TMPRSS9: variants seen among roughly 807,000 people sequenced by gnomAD.
The protein encoded by TMPRSS9 is transmembrane protease serine 9.
In TMPRSS9, 113 loss-of-function variants were observed where a neutral mutation model predicts 111.4. The observed-to-expected ratio is 1.01, with a 90% CI of 0.87 to 1.19. The LOEUF is 1.19. Among genes scored for constraint, TMPRSS9 ranks in the 50% most tolerant of loss-of-function variants. The pLI is 0.00. For synonymous variants in TMPRSS9, 805 were observed against 659.1 expected, an observed-to-expected ratio of 1.22 and a Z score of -3.39; for missense variants, 1,803 against 1,513.1, an observed-to-expected ratio of 1.19 and a Z score of -3.18.
At chr19:2,425,517 GA>G (rs1971600403) in intron 17 of TMPRSS9, 24 bp downstream of exon 18, 3 of 1,539,544 alleles carry the variant, frequency 1.9e-6, no homozygotes, top group Non-Finnish European at 2.6e-6. Context: ...CGGCCCAGGG[GA>G]CCAGGTCCCG....
At chr19:2,399,275 C>A in intron 4 of TMPRSS9, 82 bp downstream of exon 5, 1 of 1,471,770 alleles carries the variant, frequency 6.8e-7, no homozygotes, top group African/African-American at 1.4e-5. Flanking sequence ...TTGATAACCA[C>A]CCCTTCCCAT....
chr19:2,422,009 C>T (rs771742486), exon 14 of TMPRSS9: 2 of 1,613,022 alleles, frequency 1.2e-6, no homozygotes, highest in Admixed American at 1.7e-5. Context: ...AGATCATGTC[C>T]TCCCAGCCCC....
At chr19:2,372,141 C>G (rs1339923036) in intron 1 of TMPRSS9, among the ~76,000 whole-genome samples, 5 of 152,168 alleles carry the variant, frequency 3.3e-5, no homozygotes, top group African/African-American at 1.2e-4. Context: ...CAGGCGTGAG[C>G]CACTGTGCCT....
intron 6 of TMPRSS9, among the ~76,000 whole-genome samples, chr19:2,404,956 A>G (rs1489146453): frequency 6.6e-6 from 1 of 151,502 alleles, no homozygotes; most frequent in Non-Finnish European, 1.5e-5. Context: ...AAAATCAAAG[A>G]CTAAACTTAC....
chr19:2,395,385 A>G (rs1970685046), intron 1 of TMPRSS9, among the ~76,000 whole-genome samples: 1 of 152,046 alleles, frequency 6.6e-6, no homozygotes, highest in African/African-American at 2.4e-5. Flanking sequence ...GCGAGCTGAG[A>G]AAACACCACT....
chr19:2,412,035 CG>C (rs1178060837), intron 9 of TMPRSS9, among the ~76,000 whole-genome samples: 2 of 152,132 alleles, frequency 1.3e-5, no homozygotes, highest in South Asian at 2.1e-4. Flanking sequence ...TTCAGGCAAA[CG>C]TAAGTTATTC....
chr19:2,384,630 G>A lies in TMPRSS9; in HGVS notation c.-25-5131G>A, dbSNP rs532596218. The stretch of plus-strand genomic sequence containing the variant: ...GGAGATCGAGACCATCCTGGCTAAC[G>A]TGGTGAAACCCCGTCTCTACTAAAA... On this transcript the variant is annotated intron_variant, in intron 1 of 17. Transcript: ENST00000649857. Among the ~76,000 whole-genome samples, 79 of 151,634 alleles carry A rather than the reference G, an allele frequency of 5.2e-4. 1 individual carries two copies. The highest frequency in any genetic ancestry group is 7.9e-4 in the Admixed American group (12 of 15,180).
intron 6 of TMPRSS9, among the ~76,000 whole-genome samples, chr19:2,404,040 C>A (rs111477791): frequency 6.7e-6 from 1 of 149,324 alleles, no homozygotes; most frequent in Non-Finnish European, 1.5e-5. Context: ...TGGTGGTGGG[C>A]GCCTGTGGCC....
rs1198106187 is a variant in TMPRSS9, at chr19:2,390,231, G to GTTTTTTTTTTTTTTTTTTTTT, written c.142+315_142+316insTTTTTTTTTTTTTTTTTTTTT. ...GCAAATCAGCAAAATACCCAAAGTAGTTTTTTTTTTTGTTTTTTTTTTTTT... is the reference window on the plus strand; with the variant it reads ...GCAAATCAGCAAAATACCCAAAGTAGTTTTTTTTTTTTTTTTTTTTTTTTTTTTTTTTGTTTTTTTTTTTTT... On this transcript the variant is annotated intron_variant, in intron 1 of 17. Transcript: ENST00000648592. Among the ~76,000 whole-genome samples, 3 of 110,568 alleles carry GTTTTTTTTTTTTTTTTTTTTT rather than the reference G, an allele frequency of 2.7e-5. 1 individual carries two copies. The highest frequency in any genetic ancestry group is 3.7e-5 in the Non-Finnish European group (2 of 53,990). The allele number at this position is 110,568 out of a possible 152,430, so 72.5% of individuals were successfully genotyped here.
At chr19:2,405,447 T>G (rs1970948313) in exon 7 of TMPRSS9, 1 of 1,607,926 alleles carries the variant, frequency 6.2e-7, no homozygotes, top group Non-Finnish European at 8.5e-7. Flanking sequence ...CGGGGGAGTT[T>G]CCGTGGCAAG....
chr19:2,418,249 C>CCCTCCTTCCCTCCTTGTCCTTCCCT (rs1247610830), intron 13 of TMPRSS9, 111 bp downstream of exon 14: 1 of 855,094 alleles, frequency 1.2e-6, no homozygotes, highest in Non-Finnish European at 1.6e-6. Context: ...TTTCCTTCCC[C>CCCTCCTTCCCTCCTTGTCCTTCCCT]CCCTCCTTCC....
exon 9 of TMPRSS9, chr19:2,410,374 G>A (rs746064096): frequency 1.8e-5 from 29 of 1,613,864 alleles, no homozygotes; most frequent in Middle Eastern, 1.6e-4. Flanking sequence ...CTACCTGGAC[G>A]GGAAGGTGGA....
intron 11 of TMPRSS9, chr19:2,416,119 G>A: frequency 2.3e-6 from 1 of 442,732 alleles, no homozygotes; most frequent in Non-Finnish European, 4.0e-6. Context: ...CGCATCTGTG[G>A]TCCCAGCTAC....
intron 1 of TMPRSS9, among the ~76,000 whole-genome samples, chr19:2,374,297 G>A (rs1357415862): frequency 7.5e-6 from 1 of 132,912 alleles, no homozygotes; most frequent in African/African-American, 2.8e-5. Flanking sequence ...AAGAGGTAGG[G>A]CGCGGTGGCT....
At chr19:2,395,666 G>C (rs1377807318) in intron 1 of TMPRSS9, among the ~76,000 whole-genome samples, 1 of 151,876 alleles carries the variant, frequency 6.6e-6, no homozygotes, top group Non-Finnish European at 1.5e-5. Flanking sequence ...AGTGAGGCGA[G>C]ATCATGCCAT....
At chr19:2,411,900 G>A (rs763398563) in intron 9 of TMPRSS9, among the ~76,000 whole-genome samples, 3 of 152,072 alleles carry the variant, frequency 2.0e-5, no homozygotes, top group Non-Finnish European at 4.4e-5. Flanking sequence ...TCTTCTTTCA[G>A]CCACCTGGTC....
intron 7 of TMPRSS9, among the ~76,000 whole-genome samples, chr19:2,407,889 A>G (rs543949386): frequency 3.3e-5 from 5 of 151,968 alleles, no homozygotes; most frequent in South Asian, 2.1e-4. Context: ...GGTTCAAGCA[A>G]TTCTCTGCCT....
chr19:2,409,018 AATAATAATAATAATGATG>A (rs1971038034), intron 8 of TMPRSS9, among the ~76,000 whole-genome samples: 2 of 142,296 alleles, frequency 1.4e-5, no homozygotes, highest in East Asian at 2.0e-4. Context: ...TAATAATAAT[AATAATAATAATAATGATG>A]ATGCAGAAAA....
rs1278692232 is a variant in TMPRSS9 at position 2,413,640 on chromosome 19, G to A, written c.1255-60G>A. The stretch of plus-strand genomic sequence containing the variant: ...TCAGAGCTCCTTCTTGGGCCTCGTA[G>A]CACTGGTGTCTGGACTGGCTGCTGC... On this transcript the variant is annotated intron_variant, in intron 9 of 17. Transcript: ENST00000648592. 1.8e-5 allele frequency: 28 copies of A among 1,539,074 alleles called. 1 individual carries two copies. Among genetic ancestry groups the A allele is most frequent in the South Asian group, 1.8e-4 (15 of 83,376 alleles).
Sources: allele counts gnomAD v4.1 joint callset (sites outside exome capture counted in the v4.1 genomes callset), GRCh38; gene constraint gnomAD v4.1.1; transcripts MANE v1.5; gene names NCBI Gene and HGNC (gene_info 2026-07-23, HGNC 2026-07-21).